Variants in CSTF3 observed in about 807,000 individuals in gnomAD.
CSTF3 encodes CF-1 77 kDa subunit.
Under a neutral mutation model 105.8 loss-of-function variants are expected in CSTF3, and 29 were observed. The observed-to-expected ratio is 0.27, with a 90% CI of 0.20 to 0.37. CSTF3 has a LOEUF of 0.37. CSTF3 is among the 10% of genes least tolerant of loss of function. The pLI, the probability that CSTF3 is intolerant of heterozygous loss-of-function variation, is 1.00. For missense variants in CSTF3, 357 were observed against 879.3 expected (o/e 0.41, Z 7.51); for synonymous variants, 252 against 281.9 (o/e 0.89, Z 1.06).
intron 1 of CSTF3, among the ~76,000 whole-genome samples, chr11:33,158,138 G>A (rs921541101): frequency 6.6e-6 from 1 of 152,172 alleles, no homozygotes; most frequent in Non-Finnish European, 1.5e-5. Flanking sequence ...GAAGCTCTAT[G>A]ACAGGTACTT....
chr11:33,150,138 C>T (rs925916285), intron 1 of CSTF3, among the ~76,000 whole-genome samples: 3 of 151,140 alleles, frequency 2.0e-5, no homozygotes, highest in African/African-American at 7.3e-5. Flanking sequence ...TTGCTTGAAC[C>T]CGGGAGGCGG....
At chr11:33,152,220 G>A (rs938108847) in intron 1 of CSTF3, among the ~76,000 whole-genome samples, 3 of 152,056 alleles carry the variant, frequency 2.0e-5, no homozygotes, top group East Asian at 1.9e-4. Flanking sequence ...AGATTGTGCC[G>A]CTGCACTCCA....
At chr11:33,126,283 T>G (rs1855541892) in intron 3 of CSTF3, among the ~76,000 whole-genome samples, 2 of 152,032 alleles carry the variant, frequency 1.3e-5, no homozygotes, top group African/African-American at 4.8e-5. Context: ...CTTAAGACCT[T>G]GTCTCTACAA....
chr11:33,142,987 G>GA lies in CSTF3; in HGVS notation c.28-1002dup, dbSNP rs1165480431. Among the ~76,000 whole-genome samples the GA allele has an allele frequency of 7.2e-5, 11 of 152,268 alleles. No individual in the cohort carries two copies. The East Asian group carries it at 2.1e-3, about 29-fold the overall frequency. On this transcript the variant is annotated intron_variant, in intron 1 of 20. Transcript: ENST00000323959. ...GAGAGGTTGAAGTCACAGATCCTCT[G>GA]AAAGTCCTTAGGAACCCTTGGGGTT...
At chr11:33,107,138 C>T (rs760143865) in intron 5 of CSTF3, among the ~76,000 whole-genome samples, 3 of 151,360 alleles carry the variant, frequency 2.0e-5, no homozygotes, top group Middle Eastern at 3.4e-3. Context: ...CATAAGGAGA[C>T]CCCATCTCTA....
intron 3 of CSTF3, among the ~76,000 whole-genome samples, chr11:33,140,730 CTTGA>C (rs1159373250): frequency 6.6e-6 from 1 of 151,938 alleles, no homozygotes; most frequent in African/African-American, 2.4e-5. Flanking sequence ...CTGCAGTGTA[CTTGA>C]TTATGCTGAA....
intron 3 of CSTF3, among the ~76,000 whole-genome samples, chr11:33,115,514 TAAAGA>T (rs944195175): frequency 1.1e-4 from 17 of 152,164 alleles, no homozygotes; most frequent in Admixed American, 1.0e-3. Flanking sequence ...AATTTTAAGG[TAAAGA>T]AATCAGGAAA....
At chr11:33,112,100 A>T (rs773473063) in intron 3 of CSTF3, among the ~76,000 whole-genome samples, 1 of 152,104 alleles carries the variant, frequency 6.6e-6, no homozygotes, top group Non-Finnish European at 1.5e-5. Context: ...CTAAAAATAC[A>T]AAAATTAGCT....
chr11:33,149,649 C>T (rs999397034), intron 1 of CSTF3, among the ~76,000 whole-genome samples: 3 of 152,142 alleles, frequency 2.0e-5, no homozygotes, highest in African/African-American at 7.2e-5. Context: ...TTTGGAAGGC[C>T]GAGACGGGCA....
chr11:33,145,364 G>A (rs1184861226), intron 1 of CSTF3, among the ~76,000 whole-genome samples: 1 of 152,086 alleles, frequency 6.6e-6, no homozygotes, highest in Non-Finnish European at 1.5e-5. Context: ...CTGAGCCCAG[G>A]AGGTTGAGCC....
At chr11:33,093,640 T>G (rs910517696) in intron 15 of CSTF3, among the ~76,000 whole-genome samples, 3 of 152,230 alleles carry the variant, frequency 2.0e-5, no homozygotes, top group Non-Finnish European at 2.9e-5. Flanking sequence ...CATTTTTTTT[T>G]GTACTAAGTC....
At chr11:33,145,682 T>C (rs906498276) in intron 1 of CSTF3, among the ~76,000 whole-genome samples, 1 of 151,896 alleles carries the variant, frequency 6.6e-6, no homozygotes, top group Non-Finnish European at 1.5e-5. Flanking sequence ...GGCGTGGTGG[T>C]GGGCACCTGT....
chr11:33,114,788 A>G lies in CSTF3; in HGVS notation c.226-6370T>C, dbSNP rs375376. ...ACTGCTTGAACCCGGGAGGTGGAGG[A>G]TGCAGTGAATCGAGACTGCACCATT... On this transcript the variant is annotated intron_variant, in intron 3 of 20. Coordinates refer to ENST00000323959, the MANE Select transcript of CSTF3 (RefSeq NM_001326.3). Among the ~76,000 whole-genome samples the G allele has an allele frequency of 8.9e-3, 1,355 of 151,852 alleles. 5 individuals carry two copies. Among genetic ancestry groups the G allele is most frequent in the Non-Finnish European group, 0.013 (882 of 67,948 alleles).
chr11:33,115,104 C>T (rs1855417732), intron 3 of CSTF3, among the ~76,000 whole-genome samples: 1 of 152,096 alleles, frequency 6.6e-6, no homozygotes, highest in Non-Finnish European at 1.5e-5. Context: ...GAATTGCAGT[C>T]GCATTCCTAA....
chr11:33,092,446 A>G, intron 15 of CSTF3, 106 bp from the exon 16 acceptor site: 2 of 628,432 alleles, frequency 3.2e-6, no homozygotes, highest in Middle Eastern at 2.8e-4. Context: ...CTATGCAGAA[A>G]GGTTTAACTA....
At chr11:33,149,642 G>A (rs1405946251) in intron 1 of CSTF3, among the ~76,000 whole-genome samples, 1 of 152,194 alleles carries the variant, frequency 6.6e-6, no homozygotes, top group African/African-American at 2.4e-5. Context: ...CCAGTACTTT[G>A]GAAGGCCGAG....
In CSTF3 at chr11:33,106,045, A is replaced by G; in HGVS notation, c.376T>C (p.Tyr126His). The G allele has an allele frequency of 6.2e-7, 1 of 1,612,904 alleles. No individual in the cohort carries two copies. Among genetic ancestry groups the G allele is most frequent in the East Asian group, 2.2e-5 (1 of 44,818 alleles). Reference sequence around the variant, plus strand: ...CCAATTTTATCCAGTGCAAAGTCATATGCTTGAGCCATTTTTTCTCTGAAA... The same window carrying G: ...CCAATTTTATCCAGTGCAAAGTCATGTGCTTGAGCCATTTTTTCTCTGAAA... ...PSYKEKMAQA[Y>H]DFALDKIGME... Residue 126 changes from tyrosine (Y) to histidine (H), a missense_variant, in exon 6 of 21, where the codon TAT (tyrosine) becomes CAT (histidine). By Grantham distance (83) the Tyr-to-His change is moderately conservative. Transcript: ENST00000323959.
At chr11:33,127,811 G>C (rs1236059581) in intron 3 of CSTF3, among the ~76,000 whole-genome samples, 4 of 152,022 alleles carry the variant, frequency 2.6e-5, no homozygotes, top group Admixed American at 1.3e-4. Flanking sequence ...CATTTTACAG[G>C]GTTCTGTTTA....
chr11:33,107,764 T>C, intron 5 of CSTF3, 139 bp downstream of exon 5: 2 of 534,946 alleles, frequency 3.7e-6, no homozygotes, highest in South Asian at 6.0e-5. Context: ...TTTTTCAAGG[T>C]TACTAATTCT....
Sources: allele counts gnomAD v4.1 joint callset (sites outside exome capture counted in the v4.1 genomes callset), GRCh38; gene constraint gnomAD v4.1.1; transcripts MANE v1.5; gene names NCBI Gene and HGNC (gene_info 2026-07-23, HGNC 2026-07-21).